The following CNTNAP2 variants were observed in gnomAD, a reference collection of about 807,000 sequenced individuals.
CNTNAP2 encodes contactin associated protein 2.
Under a neutral mutation model 155.2 loss-of-function variants are expected in CNTNAP2, and 98 were observed. That is an observed-to-expected ratio of 0.63 (90% CI 0.54 to 0.75). CNTNAP2 has a LOEUF of 0.75. Among genes scored for constraint, CNTNAP2 ranks in the 30% least tolerant of loss-of-function variants. The pLI, the probability that CNTNAP2 is intolerant of heterozygous loss-of-function variation, is 0.00. For synonymous variants in CNTNAP2, 651 were observed against 631.2 expected, an observed-to-expected ratio of 1.03 and a Z score of -0.47; for missense variants, 1,727 against 1,688.1, an observed-to-expected ratio of 1.02 and a Z score of -0.40.
chr7:146,336,782 C>T (rs765774444), intron 1 of CNTNAP2, among the ~76,000 whole-genome samples: 12 of 152,076 alleles, frequency 7.9e-5, no homozygotes, highest in Non-Finnish European at 1.5e-4. Flanking sequence ...ACAAGAAGAA[C>T]AACAAAAGTG....
chr7:146,341,053 TAA>T (rs1223129563), intron 1 of CNTNAP2, among the ~76,000 whole-genome samples: 2 of 152,172 alleles, frequency 1.3e-5, no homozygotes, highest in Non-Finnish European at 2.9e-5. Context: ...TGCAAAAGGC[TAA>T]GAGTTCAGAT....
chr7:147,080,357 A>G (rs1345661336), intron 4 of CNTNAP2, among the ~76,000 whole-genome samples: 1 of 152,174 alleles, frequency 6.6e-6, no homozygotes, highest in Non-Finnish European at 1.5e-5. Context: ...TGGATTATAC[A>G]TCTTACTCAA....
chr7:146,200,634 C>A (rs1438394700), intron 1 of CNTNAP2, among the ~76,000 whole-genome samples: 1 of 152,018 alleles, frequency 6.6e-6, no homozygotes, highest in East Asian at 1.9e-4. Context: ...TCTACAGTAT[C>A]CAGGAGAGTA....
chr7:146,927,345 G>A (rs1488904707), intron 3 of CNTNAP2, among the ~76,000 whole-genome samples: 1 of 152,010 alleles, frequency 6.6e-6, no homozygotes, highest in Non-Finnish European at 1.5e-5. Flanking sequence ...ACCATCATGT[G>A]GCAATTTATC....
intron 13 of CNTNAP2, among the ~76,000 whole-genome samples, chr7:147,717,761 C>T (rs968791134): frequency 5.9e-5 from 9 of 151,972 alleles, no homozygotes; most frequent in Non-Finnish European, 1.3e-4. Flanking sequence ...GGGGCACATG[C>T]TTATAGTTTT....
intron 9 of CNTNAP2, among the ~76,000 whole-genome samples, chr7:147,392,166 C>T (rs116551059): frequency 0.017 from 2,543 of 152,146 alleles, 70 homozygotes; most frequent in African/African-American, 0.057. Context: ...TCTGATGACA[C>T]TTTTCTCACC....
intron 3 of CNTNAP2, among the ~76,000 whole-genome samples, chr7:146,885,552 G>C (rs570818259): frequency 1.1e-3 from 167 of 152,164 alleles, no homozygotes; most frequent in African/African-American, 3.9e-3. Flanking sequence ...AAAAAAGCAA[G>C]AGCAATACAT....
chr7:147,471,564 C>G (rs1380182280), intron 10 of CNTNAP2, among the ~76,000 whole-genome samples: 2 of 152,138 alleles, frequency 1.3e-5, no homozygotes, highest in Non-Finnish European at 2.9e-5. Context: ...TACGACTTTC[C>G]TTGAAATATT....
At chr7:146,394,655 A>C (rs1048838268) in intron 1 of CNTNAP2, among the ~76,000 whole-genome samples, 2 of 152,150 alleles carry the variant, frequency 1.3e-5, no homozygotes, top group African/African-American at 4.8e-5. Flanking sequence ...AATAATAAAA[A>C]TATCATTTAT....
At chr7:146,456,014 A>C (rs1391215475) in intron 1 of CNTNAP2, among the ~76,000 whole-genome samples, 2 of 152,204 alleles carry the variant, frequency 1.3e-5, no homozygotes, top group African/African-American at 4.8e-5. Flanking sequence ...GAGCACATGC[A>C]TACATATCAC....
chr7:147,344,253 C>T (rs913000337), intron 9 of CNTNAP2, among the ~76,000 whole-genome samples: 1 of 152,136 alleles, frequency 6.6e-6, no homozygotes, highest in African/African-American at 2.4e-5. Flanking sequence ...CAAAATTCTA[C>T]CCACGCAGCT....
At chr7:146,924,291 A>G (rs1031151660) in intron 3 of CNTNAP2, among the ~76,000 whole-genome samples, 1 of 152,058 alleles carries the variant, frequency 6.6e-6, no homozygotes, top group Non-Finnish European at 1.5e-5. Flanking sequence ...CCTGGTGTCT[A>G]GAGGTCTAAT....
chr7:147,326,500 C>A (rs1225563829), intron 9 of CNTNAP2, among the ~76,000 whole-genome samples: 1 of 152,154 alleles, frequency 6.6e-6, no homozygotes, highest in African/African-American at 2.4e-5. Flanking sequence ...TAATGATATA[C>A]AAATATTTGT....
chr7:147,225,999 G>A (rs1803534539), intron 8 of CNTNAP2, among the ~76,000 whole-genome samples: 1 of 151,936 alleles, frequency 6.6e-6, no homozygotes, highest in South Asian at 2.1e-4. Flanking sequence ...AAGAAAGAAA[G>A]AAAGAATGAA....
chr7:146,795,914 T>C (rs923330721), intron 2 of CNTNAP2, among the ~76,000 whole-genome samples: 4 of 152,142 alleles, frequency 2.6e-5, no homozygotes, highest in Admixed American at 2.0e-4. Context: ...TCCATAAACA[T>C]CATCACTGTT....
At chr7:146,504,232 A>G (rs1329581017) in intron 1 of CNTNAP2, among the ~76,000 whole-genome samples, 2 of 152,186 alleles carry the variant, frequency 1.3e-5, no homozygotes, top group Non-Finnish European at 2.9e-5. Context: ...AGGCCACAGC[A>G]GCAATACAGG....
Position 146,178,499 on chromosome 7 carries a change from T to C in CNTNAP2, c.97+61526T>C, listed in dbSNP as rs115906719. 5.2e-3 allele frequency among the ~76,000 whole-genome samples: 799 copies of C among 152,314 alleles called. 6 individuals are homozygous for C. The highest frequency in any genetic ancestry group is 0.018 in the African/African-American group (757 of 41,576). On this transcript the variant is annotated intron_variant, in intron 1 of 23. Coordinates refer to ENST00000361727, the MANE Select transcript of CNTNAP2 (RefSeq NM_014141.6). ...CTCATTTAGATATTACTCCATACAA[T>C]ACAGAACATAAGCTTTGGGCATGTT...
At chr7:146,914,303 TA>T (rs748237272) in intron 3 of CNTNAP2, among the ~76,000 whole-genome samples, 4 of 151,928 alleles carry the variant, frequency 2.6e-5, no homozygotes, top group African/African-American at 7.2e-5. Context: ...TCCCTCTGGG[TA>T]GGTACCCAGG....
intron 21 of CNTNAP2, among the ~76,000 whole-genome samples, chr7:148,302,986 T>A (rs1178658053): frequency 1.3e-5 from 2 of 151,940 alleles, no homozygotes; most frequent in African/African-American, 4.8e-5. Flanking sequence ...GTCTGGCTAA[T>A]TTTTGTATTT....
Sources: allele counts gnomAD v4.1 joint callset (sites outside exome capture counted in the v4.1 genomes callset), GRCh38; gene constraint gnomAD v4.1.1; transcripts MANE v1.5; gene names NCBI Gene and HGNC (gene_info 2026-07-23, HGNC 2026-07-21).